Variants in SLC13A3 observed in about 807,000 individuals in gnomAD.
SLC13A3 encodes solute carrier family 13 member 3.
In SLC13A3, 40 loss-of-function variants were observed where a neutral mutation model predicts 59.0. That is an observed-to-expected ratio of 0.68 (90% confidence interval 0.53 to 0.88). The LOEUF (loss-of-function observed/expected upper bound fraction) is 0.88, where lower values mean the gene tolerates loss of function less well. Among genes scored for constraint, SLC13A3 ranks in the 40% least tolerant of loss-of-function variants. SLC13A3 has a pLI of 0.00. For synonymous variants in SLC13A3, 317 were observed against 330.3 expected, an observed-to-expected ratio of 0.96 and a Z score of 0.44; for missense variants, 699 against 783.2, an observed-to-expected ratio of 0.89 and a Z score of 1.28.
At chr20:46,660,503 C>T (rs957254689) in intron 1 of SLC13A3, among the ~76,000 whole-genome samples, 3 of 152,168 alleles carry the variant, frequency 2.0e-5, no homozygotes, top group East Asian at 3.9e-4. Flanking sequence ...AAATTAGCCA[C>T]CATTCATATC....
intron 9 of SLC13A3, chr20:46,583,363 G>T: frequency 3.9e-6 from 5 of 1,279,234 alleles, no homozygotes; most frequent in Non-Finnish European, 4.0e-6. Context: ...GGCTGGATTT[G>T]GTCTGAAGAC....
intron 9 of SLC13A3, chr20:46,583,146 G>A (rs4371409): frequency 1.2e-6 from 1 of 861,440 alleles, no homozygotes; most frequent in Non-Finnish European, 1.4e-6. Context: ...GCAAAATTGA[G>A]GCTATTGTGT....
chr20:46,677,693 G>A (rs377337515), intron 1 of SLC13A3, among the ~76,000 whole-genome samples: 3 of 152,248 alleles, frequency 2.0e-5, no homozygotes, highest in African/African-American at 7.2e-5. Flanking sequence ...CAAATTCAAT[G>A]CTCTCAGGGA....
At chr20:46,596,387 C>G in intron 4 of SLC13A3, 45 bp from the exon 5 acceptor site, 1 of 1,576,308 alleles carries the variant, frequency 6.3e-7, no homozygotes, top group Non-Finnish European at 8.7e-7. Context: ...ACATGGAGAA[C>G]AGGCCACAGA....
chr20:46,577,981 A>G (rs1009851361), intron 9 of SLC13A3, among the ~76,000 whole-genome samples: 25 of 14,310 alleles, frequency 1.7e-3, no homozygotes, highest in African/African-American at 4.1e-3. Flanking sequence ...GTCCCTGGCT[A>G]TTTATTTATT....
chr20:46,589,084 CA>C (rs2062225441), intron 7 of SLC13A3, 75 bp downstream of exon 7: 8 of 1,351,190 alleles, frequency 5.9e-6, no homozygotes, highest in Non-Finnish European at 8.3e-6. Flanking sequence ...CCCATGGGCC[CA>C]AGGCCAGGCC....
At chr20:46,618,467 T>C (rs1300563900) in intron 1 of SLC13A3, among the ~76,000 whole-genome samples, 1 of 152,192 alleles carries the variant, frequency 6.6e-6, no homozygotes, top group Non-Finnish European at 1.5e-5. Flanking sequence ...CCCAGATTCA[T>C]ACATGGAATC....
Position 46,613,613 on chromosome 20 carries a change from A to G in SLC13A3, c.224T>C (p.Ile75Thr). 6.2e-7 allele frequency: 1 copy of G among 1,613,028 alleles called. No individual in the cohort carries two copies. Among genetic ancestry groups the G allele is most frequent in the Non-Finnish European group, 8.5e-7 (1 of 1,179,448 alleles). ...LPIVLFPFMG[I>T]LPSNKVCPQY... is the part of the protein sequence containing the mutation. ...GGGGCAGACCTTGTTGGAGGGCAAG[A>G]TGCCCATGAAGGGGAAGAGGACGAT... is the stretch of plus-strand genomic sequence containing the variant. Residue 75 changes from isoleucine (I) to threonine (T), a missense_variant, in exon 2 of 13, where the codon ATC (isoleucine) becomes ACC (threonine). By Grantham distance (89) the Ile-to-Thr change is moderately conservative (BLOSUM62 -1). Coordinates refer to ENST00000279027, the MANE Select transcript of SLC13A3 (RefSeq NM_022829.6).
intron 1 of SLC13A3, among the ~76,000 whole-genome samples, chr20:46,641,755 C>T (rs918097521): frequency 1.1e-4 from 17 of 152,214 alleles, no homozygotes; most frequent in African/African-American, 3.9e-4. Context: ...ATTTGAGGCT[C>T]TGAGACCCTG....
At chr20:46,585,549 C>T in intron 8 of SLC13A3, 1 of 1,019,802 alleles carries the variant, frequency 9.8e-7, no homozygotes, top group Non-Finnish European at 1.2e-6. Context: ...TAAAATGCAC[C>T]CATTTTAAGG....
intron 1 of SLC13A3, among the ~76,000 whole-genome samples, chr20:46,679,192 C>T (rs187024531): frequency 2.6e-5 from 4 of 152,340 alleles, no homozygotes; most frequent in Admixed American, 2.0e-4. Context: ...AGGAACCGAT[C>T]TGACCTTTCC....
chr20:46,584,670 A>G (rs978705025), intron 8 of SLC13A3: 5 of 220,270 alleles, frequency 2.3e-5, no homozygotes, highest in Non-Finnish European at 3.1e-5. Flanking sequence ...TGTTGGGAAC[A>G]TATGCCCTTA....
At chr20:46,659,266 A>C (rs1223629186) in intron 1 of SLC13A3, among the ~76,000 whole-genome samples, 1 of 151,830 alleles carries the variant, frequency 6.6e-6, no homozygotes, top group African/African-American at 2.4e-5. Context: ...TTTTGTATCA[A>C]CTGATTATAT....
chr20:46,578,419 T>C lies in SLC13A3; in HGVS notation c.1220-2734A>G, dbSNP rs1040986643. ...GGCCGGGCATGGTGGTTCACGCCTG[T>C]AATTCCAGCACTTTGGGAGGACAAG... On this transcript the variant is annotated intron_variant, in intron 9 of 12. Transcript: ENST00000279027. Among the ~76,000 whole-genome samples the C allele has an allele frequency of 5.1e-4, 78 of 151,924 alleles. 1 individual carries two copies. Among genetic ancestry groups the C allele is most frequent in the African/African-American group, 1.7e-3 (70 of 41,474 alleles).
chr20:46,617,611 T>C (rs202053017), intron 1 of SLC13A3, among the ~76,000 whole-genome samples: 8 of 116,248 alleles, frequency 6.9e-5, no homozygotes, highest in Non-Finnish European at 8.8e-5. Context: ...TGTGTGTGCG[T>C]GTGTGTGTGT....
intron 1 of SLC13A3, chr20:46,682,487 A>G (rs2063158302): frequency 1.3e-5 from 2 of 151,398 alleles, no homozygotes; most frequent in Non-Finnish European, 2.9e-5. Context: ...ACTGGCCACA[A>G]AAGCACTTTT....
intron 10 of SLC13A3, 120 bp from the exon 11 acceptor site, chr20:46,566,510 G>C: frequency 8.7e-7 from 1 of 1,147,924 alleles, no homozygotes; most frequent in Non-Finnish European, 1.2e-6. Context: ...GGAGACTGAG[G>C]TGCAGAGAGG....
chr20:46,557,898 C>T lies in SLC13A3; in HGVS notation c.*2124G>A, dbSNP rs2061898759. On this transcript the variant is annotated 3_prime_UTR_variant, in exon 13 of 13. Transcript: ENST00000279027. ...ACAAAGTAATGAACAAAACAGACCC[C>T]AGATCAGAGGAAGAGATGGCTTTCT... is the stretch of plus-strand genomic sequence containing the variant. The T allele has an allele frequency of 6.6e-6, 1 of 152,122 alleles. No individual in the cohort carries two copies. The highest frequency in any genetic ancestry group is 1.5e-5 in the Non-Finnish European group (1 of 68,012). The allele number at this position is 152,122 out of a possible 1,614,324, so 9.4% of individuals were successfully genotyped here.
intron 10 of SLC13A3, among the ~76,000 whole-genome samples, chr20:46,570,936 CG>C (rs988827489): frequency 6.6e-6 from 1 of 152,214 alleles, no homozygotes; most frequent in African/African-American, 2.4e-5. Context: ...AAAACATACC[CG>C]GGTGTGGGTA....
Sources: gnomAD v4.1 joint callset for allele counts (sites outside exome capture counted in the v4.1 genomes callset) on GRCh38, gnomAD v4.1.1 for gene constraint, MANE v1.5 for transcripts, NCBI Gene and HGNC (gene_info 2026-07-23, HGNC 2026-07-21) for gene names.